Variants in JMJD1C observed in about 807,000 individuals in gnomAD.
JMJD1C encodes jumonji domain-containing protein 1C.
Under a neutral mutation model 245.3 loss-of-function variants are expected in JMJD1C, and 31 were observed. That is an observed-to-expected ratio of 0.13 (90% confidence interval 0.09 to 0.17). The LOEUF is 0.17. JMJD1C is among the 10% of genes least tolerant of loss of function. JMJD1C has a pLI of 1.00. For synonymous variants in JMJD1C, 1,057 were observed against 1,017.4 expected, an observed-to-expected ratio of 1.04 and a Z score of -0.74; for missense variants, 2,691 against 3,000.2, an observed-to-expected ratio of 0.90 and a Z score of 2.41.
At chr10:63,173,375 A>G (rs1029538910) in intron 24 of JMJD1C, among the ~76,000 whole-genome samples, 6 of 152,214 alleles carry the variant, frequency 3.9e-5, no homozygotes, top group Admixed American at 2.0e-4. Context: ...TTTTGTAGAT[A>G]CTATGAAAAT....
rs369312790 is a variant in JMJD1C, at chr10:63,208,602, G to A, written c.3067C>T (p.Arg1023Cys). The change falls in exon 10 of 26, where the codon CGT (arginine) becomes TGT (cysteine). Residue 1023 changes from arginine to cysteine, a missense_variant. Arg to Cys is a radical substitution (Grantham distance 180, BLOSUM62 -3). Coordinates refer to ENST00000399262, the MANE Select transcript of JMJD1C (RefSeq NM_032776.3). The part of the protein sequence containing the change: ...ERLNKYKEEH[R>C]RILQESIDVA... ...TCAATACTTTCTTGAAGAATTCGAC[G>A]GTGTTCCTCTTTGTATTTGTTTAAC... 70 of 1,613,694 alleles carry A rather than the reference G, an allele frequency of 4.3e-5. No homozygotes were observed. Among genetic ancestry groups the A allele is most frequent in the African/African-American group, 4.1e-4 (31 of 74,848 alleles).
intron 1 of JMJD1C, among the ~76,000 whole-genome samples, chr10:63,510,446 G>A (rs982913893): frequency 2.0e-5 from 3 of 152,110 alleles, no homozygotes; most frequent in African/African-American, 7.2e-5. Flanking sequence ...GTGTTTTTGA[G>A]ATTCCTTCTT....
Position 63,222,925 on chromosome 10 carries a change from A to AAATG in JMJD1C, c.448-2946_448-2943dup. 4.0e-6 allele frequency: 6 copies of AAATG among 1,505,186 alleles called. No individual in the cohort carries two copies. The East Asian group carries it at 1.4e-4, about 34-fold the overall frequency. The allele number at this position is 1,505,186 out of a possible 1,614,324, so 93.2% of individuals were successfully genotyped here. A position where few individuals can be genotyped will look rare whatever the true frequency, so the allele number is the denominator to read the frequency against. On this transcript the variant is annotated intron_variant, in intron 3 of 25. Transcript: ENST00000399262. ...AAAGTGGGCACTGCTTAAAAGACAG[A>AAATG]AATGAACCCTGCCATATAATTCAAA...
At chr10:63,352,153 A>G (rs1490476396) in intron 2 of JMJD1C, among the ~76,000 whole-genome samples, 2 of 152,238 alleles carry the variant, frequency 1.3e-5, no homozygotes, top group Non-Finnish European at 1.5e-5. Context: ...ATTAACACAG[A>G]CTAACTTGAG....
chr10:63,361,173 G>A (rs1040075095), intron 2 of JMJD1C, among the ~76,000 whole-genome samples: 21 of 151,996 alleles, frequency 1.4e-4, no homozygotes, highest in Non-Finnish European at 2.5e-4. Context: ...CTGTAATCCC[G>A]GCACTTTGGG....
At chr10:63,435,517 G>A (rs1191885563) in intron 1 of JMJD1C, among the ~76,000 whole-genome samples, 1 of 152,100 alleles carries the variant, frequency 6.6e-6, no homozygotes, top group African/African-American at 2.4e-5. Context: ...AATTTCTGAG[G>A]ATTAATATGT....
intron 1 of JMJD1C, among the ~76,000 whole-genome samples, chr10:63,430,189 AACTC>A (rs1950664572): frequency 6.6e-6 from 1 of 152,184 alleles, no homozygotes; most frequent in African/African-American, 2.4e-5. Context: ...ATACAAAACT[AACTC>A]AAAACAAATC....
intron 18 of JMJD1C, among the ~76,000 whole-genome samples, chr10:63,187,809 T>C (rs2132940459): frequency 6.6e-6 from 1 of 152,314 alleles, no homozygotes; most frequent in Non-Finnish European, 1.5e-5. Context: ...CTAATCTGCC[T>C]TGCTGTCAGT....
intron 2 of JMJD1C, among the ~76,000 whole-genome samples, chr10:63,373,887 T>C: frequency 6.6e-6 from 1 of 152,186 alleles, no homozygotes; most frequent in Non-Finnish European, 1.5e-5. Flanking sequence ...ATATCAACTG[T>C]ATATAAATGT....
rs748250639 is a variant in JMJD1C, at chr10:63,208,342, G to A, written c.3327C>T (p.Tyr1109=). 6 of 1,614,060 alleles carry A rather than the reference G, an allele frequency of 3.7e-6. No individual in the cohort carries two copies. In the East Asian group the frequency reaches 6.7e-5, roughly 18 times the overall value. The part of the protein sequence containing the change: ...NSVVNEPPRS[Y]PSKEVSNIYG... ...AAATATTTGAAACTTCTTTGGATGG[G>A]TATGATCTTGGTGGTTCATTGACCA... Residue 1109 remains tyrosine, a synonymous_variant, in exon 10 of 26, where the codon TAC becomes TAT. Coordinates refer to ENST00000399262, the MANE Select transcript of JMJD1C (RefSeq NM_032776.3).
intron 13 of JMJD1C, among the ~76,000 whole-genome samples, chr10:63,196,714 T>G (rs2133048039): frequency 6.6e-6 from 1 of 152,320 alleles, no homozygotes; most frequent in East Asian, 1.9e-4. Flanking sequence ...AGAACTCTAC[T>G]CCTAACAAAA....
chr10:63,451,614 C>T (rs758513926), intron 1 of JMJD1C, among the ~76,000 whole-genome samples: 8 of 152,140 alleles, frequency 5.3e-5, no homozygotes, highest in Non-Finnish European at 1.0e-4. Context: ...TTTAAGTATT[C>T]TAGAGATGAC....
At chr10:63,278,037 T>C (rs1191374165) in intron 2 of JMJD1C, among the ~76,000 whole-genome samples, 2 of 151,164 alleles carry the variant, frequency 1.3e-5, no homozygotes, top group African/African-American at 4.8e-5. Context: ...CCAGCCTGCA[T>C]TTTAATAAAA....
In JMJD1C at chr10:63,185,727, G is replaced by A. The variant is rs182335218; in HGVS notation, c.6740-74C>T. On this transcript the variant is annotated intron_variant, in intron 19 of 25. Transcript: ENST00000399262. ...TCTTTATTAACATTTGGAAAGAAAC[G>A]TAAATGAATGAATGATTTGATTGTT... 1.1e-4 allele frequency: 95 copies of A among 826,762 alleles called. 1 individual carries two copies. Among genetic ancestry groups the A allele is most frequent in the South Asian group, 4.9e-4 (34 of 69,232 alleles). The allele number at this position is 826,762 out of a possible 1,614,324, so 51.2% of individuals were successfully genotyped here. A position where few individuals can be genotyped will look rare whatever the true frequency, so the allele number is the denominator to read the frequency against.
intron 1 of JMJD1C, among the ~76,000 whole-genome samples, chr10:63,496,026 C>A (rs1205000559): frequency 7.0e-6 from 1 of 142,594 alleles, no homozygotes. Context: ...ACTTGTGAGG[C>A]AATTGCACTA....
At chr10:63,317,209 T>C (rs1346566229) in intron 2 of JMJD1C, among the ~76,000 whole-genome samples, 1 of 151,992 alleles carries the variant, frequency 6.6e-6, no homozygotes, top group Non-Finnish European at 1.5e-5. Context: ...TTCTCTTCTA[T>C]TTTGAAATAT....
chr10:63,402,628 C>G (rs183794983), intron 1 of JMJD1C, among the ~76,000 whole-genome samples: 6 of 152,248 alleles, frequency 3.9e-5, no homozygotes, highest in Admixed American at 2.6e-4. Context: ...TATAAAATAG[C>G]CTCCAGAGCC....
intron 1 of JMJD1C, among the ~76,000 whole-genome samples, chr10:63,494,084 G>T (rs1452939748): frequency 1.3e-5 from 2 of 152,144 alleles, no homozygotes; most frequent in African/African-American, 4.8e-5. Context: ...GCCGAGGCGG[G>T]CGGATCACCT....
At chr10:63,345,093 G>A (rs1046839064) in intron 2 of JMJD1C, among the ~76,000 whole-genome samples, 4 of 152,210 alleles carry the variant, frequency 2.6e-5, no homozygotes, top group South Asian at 2.1e-4. Flanking sequence ...GTTTTTAGGA[G>A]CATGATTCAA....
Sources: allele counts gnomAD v4.1 joint callset (sites outside exome capture counted in the v4.1 genomes callset), GRCh38; gene constraint gnomAD v4.1.1; transcripts MANE v1.5; gene names NCBI Gene and HGNC (gene_info 2026-07-23, HGNC 2026-07-21).